Variants in RGSL1 observed in about 807,000 individuals in gnomAD.
RGSL1 encodes regulator of G protein signaling like 1.
RGSL1 carries 97 observed loss-of-function variants against 124.7 expected under a neutral mutation model. That is an observed-to-expected ratio of 0.78 (90% confidence interval 0.66 to 0.92). RGSL1 has a LOEUF of 0.92. RGSL1 is among the 40% of genes least tolerant of loss of function. RGSL1 has a pLI of 0.00. For synonymous variants in RGSL1, 424 were observed against 438.1 expected, an observed-to-expected ratio of 0.97 and a Z score of 0.40; for missense variants, 1,233 against 1,288.4, an observed-to-expected ratio of 0.96 and a Z score of 0.66.
At chr1:182,557,095 A>T (rs1022300537) in intron 21 of RGSL1, among the ~76,000 whole-genome samples, 2 of 152,222 alleles carry the variant, frequency 1.3e-5, no homozygotes, top group African/African-American at 2.4e-5. Context: ...TGGGGCTGTG[A>T]TTGCAGGAGA....
chr1:182,530,765 G>T, intron 12 of RGSL1, 25 bp from the exon 13 acceptor site: 1 of 1,502,586 alleles, frequency 6.7e-7, no homozygotes, highest in South Asian at 1.3e-5. Context: ...TGCCCTGTTT[G>T]ATATTACTGA....
intron 9 of RGSL1, among the ~76,000 whole-genome samples, chr1:182,503,561 G>T (rs1656564519): frequency 7.1e-6 from 1 of 141,342 alleles, no homozygotes. Context: ...GTAGAAGGAT[G>T]GTTACCAGCG....
At chr1:182,458,096 C>T (rs1010108450) in intron 2 of RGSL1, among the ~76,000 whole-genome samples, 12 of 152,166 alleles carry the variant, frequency 7.9e-5, no homozygotes, top group Middle Eastern at 3.2e-3. Flanking sequence ...CAGGTTGGGG[C>T]GTGGTGGAGC....
intron 6 of RGSL1, among the ~76,000 whole-genome samples, chr1:182,476,673 A>G (rs1465837070): frequency 6.6e-6 from 1 of 152,254 alleles, no homozygotes; most frequent in Non-Finnish European, 1.5e-5. Flanking sequence ...CCTTGAAAAC[A>G]GATGGCTGTC....
chr1:182,531,436 T>C (rs949661318), intron 13 of RGSL1, among the ~76,000 whole-genome samples: 4 of 152,086 alleles, frequency 2.6e-5, no homozygotes, highest in Non-Finnish European at 5.9e-5. Context: ...CTCAGGAAAG[T>C]CTCTATGGTT....
intron 7 of RGSL1, 41 bp from the exon 8 acceptor site, chr1:182,488,939 C>A: frequency 6.7e-7 from 1 of 1,484,734 alleles, no homozygotes; most frequent in Non-Finnish European, 9.2e-7. Flanking sequence ...TGGTCTAGTT[C>A]CTGTAACAAA....
intron 4 of RGSL1, among the ~76,000 whole-genome samples, chr1:182,470,693 C>T (rs1025847403): frequency 1.3e-5 from 2 of 151,976 alleles, no homozygotes; most frequent in Non-Finnish European, 2.9e-5. Flanking sequence ...ATATAGATTC[C>T]TTGGAGGCAG....
At chr1:182,523,663 A>C (rs540877721) in intron 10 of RGSL1, among the ~76,000 whole-genome samples, 2 of 152,288 alleles carry the variant, frequency 1.3e-5, no homozygotes, top group Admixed American at 1.3e-4. Context: ...GCTCAGGGAT[A>C]CCACAGCTGC....
intron 4 of RGSL1, among the ~76,000 whole-genome samples, chr1:182,464,127 A>G (rs186534895): frequency 3.9e-4 from 59 of 152,346 alleles, no homozygotes; most frequent in Middle Eastern, 3.4e-3. Context: ...ATTACAAGGG[A>G]AATTAGAAAA....
At chr1:182,515,187 T>G (rs984536152) in intron 9 of RGSL1, among the ~76,000 whole-genome samples, 3 of 152,146 alleles carry the variant, frequency 2.0e-5, no homozygotes, top group Admixed American at 2.0e-4. Flanking sequence ...CACCTATGCC[T>G]CCATCCCGCT....
Position 182,488,832 on chromosome 1 carries a change from G to A in RGSL1, c.1495-148G>A, listed in dbSNP as rs530934898. 6.7e-6 allele frequency: 4 copies of A among 600,748 alleles called. No homozygotes were observed. The East Asian group carries it at 1.2e-4, about 18-fold the overall frequency. 37.2% of individuals were successfully genotyped at this position (600,748 alleles called of 1,614,324 possible). A position where few individuals can be genotyped will look rare whatever the true frequency, so the allele number is the denominator to read the frequency against. On this transcript the variant is annotated intron_variant, in intron 7 of 21. Coordinates refer to ENST00000294854, the MANE Select transcript of RGSL1 (RefSeq NM_001137669.2). ...ATTAGAAAAGGGTGGGGGTTGGCAT[G>A]TAAAGGAGCAATGGTTCTTAACAAC...
chr1:182,486,970 C>T (rs898790534), intron 6 of RGSL1, among the ~76,000 whole-genome samples: 4 of 152,136 alleles, frequency 2.6e-5, no homozygotes, highest in Admixed American at 6.5e-5. Context: ...CCACCATGCC[C>T]GGCCTAGTCA....
At chr1:182,530,715 T>G in intron 12 of RGSL1, 75 bp from the exon 13 acceptor site, 1 of 1,426,222 alleles carries the variant, frequency 7.0e-7, no homozygotes, top group African/African-American at 1.5e-5. Context: ...GAAGCTGAGG[T>G]AGGTTTGCCT....
intron 15 of RGSL1, among the ~76,000 whole-genome samples, chr1:182,541,988 A>G (rs1275564922): frequency 6.6e-6 from 1 of 152,168 alleles, no homozygotes; most frequent in Non-Finnish European, 1.5e-5. Flanking sequence ...ATCTCTTGTC[A>G]GATGGATAGT....
intron 8 of RGSL1, among the ~76,000 whole-genome samples, chr1:182,489,782 T>A (rs999901614): frequency 1.3e-5 from 2 of 152,202 alleles, no homozygotes; most frequent in Admixed American, 6.5e-5. Flanking sequence ...AGCCCCAGTT[T>A]TCTCATCTGT....
intron 14 of RGSL1, among the ~76,000 whole-genome samples, chr1:182,539,221 C>A (rs147051646): frequency 1.3e-5 from 2 of 152,326 alleles, no homozygotes; most frequent in Non-Finnish European, 2.9e-5. Context: ...GAATTTATCA[C>A]CCTCTTTTCC....
intron 8 of RGSL1, 120 bp downstream of exon 8, chr1:182,489,322 T>C: frequency 1.1e-6 from 1 of 905,636 alleles, no homozygotes; most frequent in Non-Finnish European, 1.6e-6. Flanking sequence ...TTACCTAATT[T>C]GGTCATCAAA....
At chr1:182,455,272 G>A (rs879291246) in intron 2 of RGSL1, among the ~76,000 whole-genome samples, 1 of 152,068 alleles carries the variant, frequency 6.6e-6, no homozygotes, top group Non-Finnish European at 1.5e-5. Flanking sequence ...AAGGTGAGGA[G>A]GAAAGGGTGC....
chr1:182,462,957 G>A (rs1652965865), intron 4 of RGSL1, among the ~76,000 whole-genome samples: 1 of 152,160 alleles, frequency 6.6e-6, no homozygotes, highest in South Asian at 2.1e-4. Context: ...GCTATAAGGT[G>A]TATAGAAAGC....
Sources: gnomAD v4.1 joint callset for allele counts (sites outside exome capture counted in the v4.1 genomes callset) on GRCh38, gnomAD v4.1.1 for gene constraint, MANE v1.5 for transcripts, NCBI Gene and HGNC (gene_info 2026-07-23, HGNC 2026-07-21) for gene names.